GALNT13: variants seen among roughly 807,000 people sequenced by gnomAD.
The protein encoded by GALNT13 is polypeptide N-acetylgalactosaminyltransferase 13.
A neutral mutation model predicts 64.2 loss-of-function variants in GALNT13; 28 were observed. The observed-to-expected ratio is 0.44, with a 90% CI of 0.32 to 0.60. The LOEUF (loss-of-function observed/expected upper bound fraction) is 0.60. GALNT13 is among the 20% of genes least tolerant of loss of function. The pLI, the probability that GALNT13 is intolerant of heterozygous loss-of-function variation, is 0.05. For synonymous variants in GALNT13, 214 were observed against 224.6 expected, an observed-to-expected ratio of 0.95 and a Z score of 0.42; for missense variants, 577 against 669.8, an observed-to-expected ratio of 0.86 and a Z score of 1.53.
At chr2:153,428,223 C>T in the GALNT13 span, among the ~76,000 whole-genome samples, 2 of 152,106 alleles carry the variant, frequency 1.3e-5, no homozygotes, top group African/African-American at 4.8e-5. Flanking sequence ...TTATTTGGCT[C>T]ACAGTTCTGC....
At chr2:154,249,118 A>G (rs1284630046) in intron 7 of GALNT13, among the ~76,000 whole-genome samples, 2 of 152,168 alleles carry the variant, frequency 1.3e-5, no homozygotes, top group Non-Finnish European at 2.9e-5. Flanking sequence ...CATTTAATTA[A>G]TTTGGGGATG....
At chr2:153,296,777 G>T in the GALNT13 span, among the ~76,000 whole-genome samples, 1 of 151,826 alleles carries the variant, frequency 6.6e-6, no homozygotes, top group Non-Finnish European at 1.5e-5. Flanking sequence ...TAAAAATACT[G>T]AGCAAAAATG....
chr2:153,401,289 G>T, the GALNT13 span, among the ~76,000 whole-genome samples: 1 of 151,764 alleles, frequency 6.6e-6, no homozygotes, highest in Admixed American at 6.6e-5. Context: ...TGGTCTGAGA[G>T]ATAGTTTGTT....
the GALNT13 span, among the ~76,000 whole-genome samples, chr2:153,212,794 T>C: frequency 2.0e-5 from 3 of 152,196 alleles, no homozygotes; most frequent in Non-Finnish European, 4.4e-5. Flanking sequence ...CTGCTCAGAA[T>C]AGAAAATGGA....
the GALNT13 span, among the ~76,000 whole-genome samples, chr2:153,826,456 C>T: frequency 6.6e-6 from 1 of 152,214 alleles, no homozygotes; most frequent in South Asian, 2.1e-4. Flanking sequence ...AGAGGACAAA[C>T]ATTCAAACCC....
the GALNT13 span, among the ~76,000 whole-genome samples, chr2:153,725,939 A>C: frequency 1.3e-5 from 2 of 152,140 alleles, no homozygotes; most frequent in Non-Finnish European, 2.9e-5. Context: ...TATGCTTTTA[A>C]TATTTTTTCG....
At chr2:154,043,455 T>TATATATATATATATACAC (rs1341373277) in intron 3 of GALNT13, among the ~76,000 whole-genome samples, 93 of 104,882 alleles carry the variant, frequency 8.9e-4, no homozygotes, top group African/African-American at 1.7e-3. Flanking sequence ...TATATATATA[T>TATATATATATATATACAC]ACACACATGT....
the GALNT13 span, among the ~76,000 whole-genome samples, chr2:153,275,713 TTAA>T: frequency 6.6e-6 from 1 of 152,242 alleles, no homozygotes; most frequent in Non-Finnish European, 1.5e-5. Flanking sequence ...TCATGATTTA[TTAA>T]TACCTTATTG....
the GALNT13 span, among the ~76,000 whole-genome samples, chr2:153,770,356 C>A: frequency 6.6e-6 from 1 of 152,082 alleles, no homozygotes; most frequent in Non-Finnish European, 1.5e-5. Context: ...TTTTTAAGTT[C>A]CTTGGTTATA....
chr2:153,433,833 TTTATTA>T, the GALNT13 span, among the ~76,000 whole-genome samples: 65 of 152,188 alleles, frequency 4.3e-4, 1 homozygote, highest in African/African-American at 1.6e-3. Context: ...TTTTTTTAAT[TTTATTA>T]TTATTATACT....
chr2:153,343,570 A>T, the GALNT13 span, among the ~76,000 whole-genome samples: 1 of 152,162 alleles, frequency 6.6e-6, no homozygotes, highest in Admixed American at 6.5e-5. Context: ...AGTAAAAAAT[A>T]CTTAGAATTC....
the GALNT13 span, among the ~76,000 whole-genome samples, chr2:153,236,663 A>G: frequency 1.8e-4 from 27 of 152,224 alleles, no homozygotes; most frequent in East Asian, 5.2e-3. Context: ...ACTGCTTAGA[A>G]AAAAAATATT....
the GALNT13 span, among the ~76,000 whole-genome samples, chr2:153,733,215 G>C: frequency 6.6e-6 from 1 of 152,098 alleles, no homozygotes; most frequent in African/African-American, 2.4e-5. Context: ...ATGGGTGAAA[G>C]TATTTCTACC....
chr2:154,100,805 AC>A (rs1189206969), intron 3 of GALNT13, among the ~76,000 whole-genome samples: 2 of 151,946 alleles, frequency 1.3e-5, no homozygotes, highest in Non-Finnish European at 2.9e-5. Flanking sequence ...AAAGTTTTCA[AC>A]CTTTCCCCAT....
intron 9 of GALNT13, among the ~76,000 whole-genome samples, chr2:154,358,403 G>A (rs951533900): frequency 2.0e-5 from 3 of 152,004 alleles, no homozygotes; most frequent in East Asian, 1.9e-4. Flanking sequence ...AAACATCAAC[G>A]AACAGAAATC....
chr2:154,225,153 A>AGGTAGAT (rs1688537950), intron 4 of GALNT13, among the ~76,000 whole-genome samples: 1 of 115,006 alleles, frequency 8.7e-6, no homozygotes, highest in African/African-American at 3.4e-5. Flanking sequence ...GATGACAGAT[A>AGGTAGAT]GATAGATGAT....
chr2:153,262,905 C>T, the GALNT13 span, among the ~76,000 whole-genome samples: 1 of 151,996 alleles, frequency 6.6e-6, no homozygotes, highest in African/African-American at 2.4e-5. Flanking sequence ...CAAGAATGCT[C>T]TCTCTCACCA....
chr2:154,443,882 A>G (rs1458801557), intron 12 of GALNT13, among the ~76,000 whole-genome samples: 2 of 152,178 alleles, frequency 1.3e-5, no homozygotes, highest in Non-Finnish European at 2.9e-5. Flanking sequence ...AAGGCTTTGC[A>G]TTCTAGAGGA....
At chr2:154,282,947 T>TC (rs1692043617) in intron 8 of GALNT13, among the ~76,000 whole-genome samples, 1 of 152,158 alleles carries the variant, frequency 6.6e-6, no homozygotes, top group South Asian at 2.1e-4. Flanking sequence ...AAGAAGGCAT[T>TC]CTCTCAATCA....
Sources: allele counts gnomAD v4.1 joint callset (sites outside exome capture counted in the v4.1 genomes callset), GRCh38; gene constraint gnomAD v4.1.1; transcripts MANE v1.5; gene names NCBI Gene and HGNC (gene_info 2026-07-23, HGNC 2026-07-21).